IQSEC3: variants seen among roughly 807,000 people sequenced by gnomAD.
The protein encoded by IQSEC3 is IQ motif and Sec7 domain ArfGEF 3.
In IQSEC3, 50 loss-of-function variants were observed where a neutral mutation model predicts 105.4. That is an observed-to-expected ratio of 0.47 (90% CI 0.38 to 0.60). The LOEUF (loss-of-function observed/expected upper bound fraction) is 0.60. Among genes scored for constraint, IQSEC3 ranks in the 20% least tolerant of loss-of-function variants. The probability of loss-of-function intolerance (pLI) is 0.00; values close to 1 mark genes in which losing one functional copy is unlikely to be tolerated. For missense variants in IQSEC3, 1,415 were observed against 1,630.0 expected (o/e 0.87, Z 2.27); for synonymous variants, 708 against 746.0 (o/e 0.95, Z 0.83).
chr12:76,086 TCACACACACA>T (rs55736036), intron 1 of IQSEC3, among the ~76,000 whole-genome samples: 47,620 of 148,136 alleles, frequency 0.32, 3,546 homozygotes, highest in African/African-American at 0.36. Flanking sequence ...GAGAGTTTCA[TCACACACACA>T]CACACACACA....
intron 2 of IQSEC3, among the ~76,000 whole-genome samples, chr12:103,084 C>T (rs74331509): frequency 1.4e-3 from 213 of 152,250 alleles, no homozygotes; most frequent in African/African-American, 5.1e-3. Context: ...GTTGCCCCTA[C>T]CGACCGCCTC....
At chr12:156,205 AC>A (rs1265732053) in intron 5 of IQSEC3, among the ~76,000 whole-genome samples, 10 of 151,826 alleles carry the variant, frequency 6.6e-5, no homozygotes, top group African/African-American at 2.4e-4. Flanking sequence ...TCACAGGCAA[AC>A]CCCCCAGGGT....
intron 7 of IQSEC3, among the ~76,000 whole-genome samples, chr12:158,895 G>A (rs1202968621): frequency 1.3e-5 from 2 of 152,202 alleles, no homozygotes; most frequent in Non-Finnish European, 2.9e-5. Context: ...CCAACCTCAG[G>A]TGATCCGCCT....
intron 1 of IQSEC3, among the ~76,000 whole-genome samples, chr12:87,717 T>C (rs536252869): frequency 6.6e-6 from 1 of 152,028 alleles, no homozygotes; most frequent in Admixed American, 6.5e-5. Context: ...CCTATGAAAA[T>C]AATGACACTG....
At chr12:108,092 C>T (rs782634873) in intron 2 of IQSEC3, among the ~76,000 whole-genome samples, 2 of 145,194 alleles carry the variant, frequency 1.4e-5, no homozygotes, top group African/African-American at 2.7e-5. Context: ...CAAGCCTGTT[C>T]CCTAACCCTA....
intron 1 of IQSEC3, among the ~76,000 whole-genome samples, chr12:92,131 A>G (rs975885624): frequency 1.1e-4 from 17 of 152,128 alleles, no homozygotes; most frequent in African/African-American, 3.4e-4. Context: ...GAACTCATCA[A>G]TATGGGGGAT....
At chr12:78,049 C>A (rs558507147) in intron 1 of IQSEC3, among the ~76,000 whole-genome samples, 1 of 151,482 alleles carries the variant, frequency 6.6e-6, no homozygotes, top group African/African-American at 2.4e-5. Flanking sequence ...CCTCCGCGCG[C>A]CCCCGCCGCC....
chr12:109,001 C>T lies in IQSEC3; in HGVS notation c.623+9787C>T, dbSNP rs79075544. ...GTGGCTTTTCGTCAGCTGCAAGGGT[C>T]GCCCCTTGGCCCAGCCCAGCTCTGG... On this transcript the variant is annotated intron_variant, in intron 2 of 13. Coordinates refer to ENST00000538872, the MANE Select transcript of IQSEC3 (RefSeq NM_001170738.2). Among the ~76,000 whole-genome samples, 955 of 152,362 alleles carry T rather than the reference C, an allele frequency of 6.3e-3. 13 individuals carry two copies. The highest frequency in any genetic ancestry group is 0.022 in the African/African-American group (908 of 41,592).
intron 2 of IQSEC3, among the ~76,000 whole-genome samples, chr12:104,289 G>A (rs1004444222): frequency 1.3e-4 from 20 of 152,134 alleles, no homozygotes; most frequent in African/African-American, 4.8e-4. Flanking sequence ...TACACACAAC[G>A]TCTTTTCAAA....
At chr12:98,640 A>AT (rs1291872326) in intron 1 of IQSEC3, among the ~76,000 whole-genome samples, 1 of 152,128 alleles carries the variant, frequency 6.6e-6, no homozygotes, top group East Asian at 1.9e-4. Flanking sequence ...CACTCCTTGG[A>AT]TTTTTAGCTG....
chr12:125,975 G>A (rs1215415849), intron 3 of IQSEC3, 63 bp downstream of exon 3: 122 of 1,469,082 alleles, frequency 8.3e-5, no homozygotes, highest in Middle Eastern at 2.4e-4. Context: ...GGGGGCTGTC[G>A]AGGGTACCAG....
intron 3 of IQSEC3, among the ~76,000 whole-genome samples, chr12:127,791 G>A (rs1471729461): frequency 6.6e-6 from 1 of 152,130 alleles, no homozygotes; most frequent in Admixed American, 6.5e-5. Flanking sequence ...TTTGTCAGAT[G>A]AGTAGGTTGC....
At chr12:127,010 G>A (rs544884412) in intron 3 of IQSEC3, among the ~76,000 whole-genome samples, 68 of 152,270 alleles carry the variant, frequency 4.5e-4, no homozygotes, top group African/African-American at 1.6e-3. Context: ...GGAATGTGTG[G>A]ATTACTAACA....
At chr12:159,708 GTTC>G (rs1219566085) in intron 7 of IQSEC3, among the ~76,000 whole-genome samples, 7 of 152,288 alleles carry the variant, frequency 4.6e-5, no homozygotes, top group African/African-American at 1.2e-4. Flanking sequence ...TCTTGCTACA[GTTC>G]TTCTTCCATC....
intron 2 of IQSEC3, among the ~76,000 whole-genome samples, chr12:104,955 G>A (rs1231659984): frequency 6.6e-6 from 1 of 152,260 alleles, no homozygotes; most frequent in East Asian, 1.9e-4. Flanking sequence ...GGGGCGCCGC[G>A]GCCTCACGTG....
At chr12:126,502 T>C (rs552886341) in intron 3 of IQSEC3, among the ~76,000 whole-genome samples, 1 of 151,742 alleles carries the variant, frequency 6.6e-6, no homozygotes, top group East Asian at 1.9e-4. Context: ...CCAAAAAAGA[T>C]AATGCCTCAG....
At chr12:89,715 C>T (rs1319664446) in intron 1 of IQSEC3, among the ~76,000 whole-genome samples, 1 of 152,186 alleles carries the variant, frequency 6.6e-6, no homozygotes, top group African/African-American at 2.4e-5. Context: ...TTTGTGGACA[C>T]CTTCCTTTAT....
chr12:163,056 G>A (rs527979542), intron 8 of IQSEC3, among the ~76,000 whole-genome samples: 12 of 152,090 alleles, frequency 7.9e-5, no homozygotes, highest in Admixed American at 7.2e-4. Flanking sequence ...CCTGGGACAG[G>A]GGGTGAACGT....
Position 138,786 on chromosome 12 carries a change from C to T in IQSEC3, c.1423C>T (p.Pro475Ser), listed in dbSNP as rs1555087692. Residue 475 changes from proline to serine, a missense_variant, in exon 4 of 14, where the codon CCG becomes TCG. By Grantham distance (74) the Pro-to-Ser change is moderately conservative (BLOSUM62 -1). Transcript: ENST00000538872. This position sits in a 1 kb window ranked among gnomAD's most constrained non-coding sequence, Gnocchi z 7.1. Reference sequence around the variant, plus strand: ...CGCCGCGGAGACCCCCGGCCTGCCCCCGGCCCACAGCGGGACCCTCATGAT... The same window carrying T: ...CGCCGCGGAGACCCCCGGCCTGCCCTCGGCCCACAGCGGGACCCTCATGAT... ...DDAAETPGLP[P>S]AHSGTLMMAF... 6.2e-7 allele frequency: 1 copy of T among 1,602,400 alleles called. No individual in the cohort carries two copies. The highest frequency in any genetic ancestry group is 8.5e-7 in the Non-Finnish European group (1 of 1,177,116).
Sources: allele counts gnomAD v4.1 joint callset (sites outside exome capture counted in the v4.1 genomes callset), GRCh38; gene constraint gnomAD v4.1.1; non-coding constraint Gnocchi (gnomAD v3.1); transcripts MANE v1.5; gene names NCBI Gene and HGNC (gene_info 2026-07-23, HGNC 2026-07-21).